Variants in ZNF341 observed in about 807,000 individuals in gnomAD.
The protein encoded by ZNF341 is zinc finger protein 341.
A neutral mutation model predicts 87.7 loss-of-function variants in ZNF341; 52 were observed. The ratio of observed to expected loss-of-function variants is 0.59; its 90% CI spans 0.47 to 0.75. The LOEUF (loss-of-function observed/expected upper bound fraction) is 0.75, where lower values mean the gene tolerates loss of function less well. ZNF341 is among the 30% of genes least tolerant of loss of function. The pLI, the probability that ZNF341 is intolerant of heterozygous loss-of-function variation, is 0.00. For missense variants in ZNF341, 977 were observed against 1,145.9 expected (o/e 0.85, Z 2.13); for synonymous variants, 459 against 472.7 (o/e 0.97, Z 0.38).
chr20:33,743,943 G>A (rs1836865809), intron 2 of ZNF341, among the ~76,000 whole-genome samples: 1 of 152,218 alleles, frequency 6.6e-6, no homozygotes, highest in South Asian at 2.1e-4. Flanking sequence ...ACTGTTATAT[G>A]ATAGGTGTGC....
intron 1 of ZNF341, among the ~76,000 whole-genome samples, chr20:33,735,058 TCTCA>T (rs1463363176): frequency 6.6e-6 from 1 of 152,038 alleles, no homozygotes; most frequent in Non-Finnish European, 1.5e-5. Flanking sequence ...TTTGTGACAC[TCTCA>T]CTCTGTCACC....
At chr20:33,775,189 C>A (rs904515519) in intron 10 of ZNF341, among the ~76,000 whole-genome samples, 7 of 151,224 alleles carry the variant, frequency 4.6e-5, no homozygotes, top group Non-Finnish European at 8.8e-5. Context: ...AGTGATTTTG[C>A]AGGTCAGAGT....
At chr20:33,780,267 G>C (rs1601285101) in intron 10 of ZNF341, among the ~76,000 whole-genome samples, 1 of 152,158 alleles carries the variant, frequency 6.6e-6, no homozygotes, top group East Asian at 1.9e-4. Flanking sequence ...AAGGAGGCCA[G>C]GGTGGCCAGA....
In ZNF341 at chr20:33,766,999, C is replaced by T. The variant is rs753641600; in HGVS notation, c.1371C>T (p.Tyr457=). ...TCTGCCCCAGCAAATTCAGCACCTA[C>T]TTCCAGCTCAAGTCTCACATGACCC... ...CQFCPSKFST[Y]FQLKSHMTQH... is the part of the protein sequence containing the mutation. Residue 457 remains tyrosine, a synonymous_variant, in exon 9 of 15, where the codon TAC becomes TAT. Coordinates refer to ENST00000375200, the MANE Select transcript of ZNF341 (RefSeq NM_001282933.2). 5.6e-6 allele frequency: 9 copies of T among 1,614,006 alleles called. No individual in the cohort carries two copies. In the Admixed American group the frequency reaches 1.5e-4, roughly 27 times the overall value.
At chr20:33,750,646 T>A (rs987231787) in intron 4 of ZNF341, among the ~76,000 whole-genome samples, 14 of 148,680 alleles carry the variant, frequency 9.4e-5, no homozygotes, top group African/African-American at 2.5e-4. Flanking sequence ...AAAAAAAAAT[T>A]TTTTTTTTTT....
intron 10 of ZNF341, among the ~76,000 whole-genome samples, chr20:33,777,703 A>C (rs1401506932): frequency 6.6e-6 from 1 of 152,126 alleles, no homozygotes; most frequent in East Asian, 1.9e-4. Context: ...ATCTAATTAC[A>C]GGCCTTACTC....
At chr20:33,768,331 C>T (rs557460548) in intron 9 of ZNF341, among the ~76,000 whole-genome samples, 2 of 151,990 alleles carry the variant, frequency 1.3e-5, no homozygotes, top group East Asian at 3.9e-4. Flanking sequence ...CCATGTTGGC[C>T]AGGCTGGTCC....
chr20:33,779,512 G>A (rs551358450), intron 10 of ZNF341, among the ~76,000 whole-genome samples: 3 of 148,268 alleles, frequency 2.0e-5, no homozygotes, highest in Non-Finnish European at 3.0e-5. Context: ...GTGCAGTAGC[G>A]TGATCTCAGC....
intron 10 of ZNF341, among the ~76,000 whole-genome samples, chr20:33,779,131 C>T (rs1243349063): frequency 6.6e-6 from 1 of 152,174 alleles, no homozygotes; most frequent in Non-Finnish European, 1.5e-5. Flanking sequence ...GCAGATCTGC[C>T]ACTGGGGAGG....
chr20:33,783,960 C>T, intron 12 of ZNF341, 96 bp downstream of exon 12: 1 of 1,261,090 alleles, frequency 7.9e-7, no homozygotes, highest in Admixed American at 2.2e-5. Context: ...CCATCTGGCT[C>T]TTCTCCCTGT....
At chr20:33,765,951 T>A (rs1447212547) in intron 8 of ZNF341, among the ~76,000 whole-genome samples, 1 of 152,090 alleles carries the variant, frequency 6.6e-6, no homozygotes, top group Non-Finnish European at 1.5e-5. Flanking sequence ...GGCGCAATAT[T>A]GGCTCACTGC....
chr20:33,790,889 G>T, intron 14 of ZNF341, 99 bp from the exon 15 acceptor site: 1 of 1,389,296 alleles, frequency 7.2e-7, no homozygotes, highest in Non-Finnish European at 9.6e-7. Flanking sequence ...GATCACACAG[G>T]TGCTGGTGGG....
In ZNF341 at chr20:33,757,207, C is replaced by A. The variant is rs1239552210; in HGVS notation, c.801C>A (p.Gly267=). 10 of 1,600,322 alleles carry A rather than the reference C, an allele frequency of 6.2e-6. No individual in the cohort carries two copies. The highest frequency in any genetic ancestry group is 8.5e-6 in the Non-Finnish European group (10 of 1,174,286). The change falls in exon 6 of 15, where the codon GGC becomes GGA. Residue 267 remains glycine (G), a synonymous_variant. Transcript: ENST00000375200. ...VYPTPTVYSP[G]KQGFKPKGPN... is the part of the protein sequence containing the mutation. ...CCACCCCCACAGTGTACAGCCCTGG[C>A]AAACAGGGATTCAAACCCAAAGGAC...
chr20:33,789,661 G>C (rs1256124107), intron 14 of ZNF341, 73 bp downstream of exon 14: 7 of 1,516,372 alleles, frequency 4.6e-6, no homozygotes, highest in Non-Finnish European at 6.4e-6. Context: ...GCCAGGAAGA[G>C]AAAGAGCAGA....
intron 5 of ZNF341, 92 bp downstream of exon 5, chr20:33,753,515 CTG>C (rs2019106422): frequency 1.4e-6 from 2 of 1,439,794 alleles, no homozygotes; most frequent in African/African-American, 1.4e-5. Context: ...GTGCCAGACA[CTG>C]TGCTGGGGAT....
At chr20:33,736,573 TC>T (rs2018689860) in intron 1 of ZNF341, among the ~76,000 whole-genome samples, 1 of 152,098 alleles carries the variant, frequency 6.6e-6, no homozygotes, top group African/African-American at 2.4e-5. Context: ...CACTGCAACC[TC>T]CACATCCCAA....
At chr20:33,748,586 T>C (rs1428202682) in intron 3 of ZNF341, among the ~76,000 whole-genome samples, 1 of 152,072 alleles carries the variant, frequency 6.6e-6, no homozygotes, top group East Asian at 1.9e-4. Context: ...CAGGCTGGTC[T>C]TGAACTCCTG....
intron 2 of ZNF341, among the ~76,000 whole-genome samples, chr20:33,742,504 C>T (rs1413179016): frequency 6.6e-6 from 1 of 151,790 alleles, no homozygotes; most frequent in African/African-American, 2.4e-5. Flanking sequence ...CAAGTCGAGA[C>T]AGGATTTCAT....
rs2020040097 is a variant in ZNF341 at position 33,791,679 on chromosome 20, C to T, written c.*162C>T. On this transcript the variant is annotated 3_prime_UTR_variant, in exon 15 of 15. Transcript: ENST00000375200. Reference sequence around the variant, plus strand: ...AGAAACCTCAGCCCATGGTCGCCCTCCTGTGCCCCTCTCCTGCCGGAAAGC... The same window carrying T: ...AGAAACCTCAGCCCATGGTCGCCCTTCTGTGCCCCTCTCCTGCCGGAAAGC... The T allele has an allele frequency of 2.5e-6, 2 of 801,784 alleles. No individual in the cohort carries two copies. The highest frequency in any genetic ancestry group is 6.0e-5 in the Admixed American group (2 of 33,462). The allele number at this position is 801,784 out of a possible 1,614,324, so 49.7% of individuals were successfully genotyped here.
Sources: gnomAD v4.1 joint callset for allele counts (sites outside exome capture counted in the v4.1 genomes callset) on GRCh38, gnomAD v4.1.1 for gene constraint, MANE v1.5 for transcripts, NCBI Gene and HGNC (gene_info 2026-07-23, HGNC 2026-07-21) for gene names.